Variants in CEP83 observed in about 807,000 individuals in gnomAD.
CEP83 encodes the protein centrosomal protein of 83 kDa.
A neutral mutation model predicts 101.9 loss-of-function variants in CEP83; 70 were observed. The ratio of observed to expected loss-of-function variants is 0.69; its 90% CI spans 0.57 to 0.84. CEP83 has a LOEUF of 0.84. Ranked by LOEUF, CEP83 falls within the 40% of genes least tolerant of loss-of-function variation. CEP83 has a pLI of 0.00. For missense variants in CEP83, 715 were observed against 787.2 expected (o/e 0.91, Z 1.10); for synonymous variants, 264 against 267.9 (o/e 0.99, Z 0.14).
chr12:94,460,035 C>G (rs2068037556), upstream of CEP83: 1 of 152,596 alleles, frequency 6.6e-6, no homozygotes, highest in Non-Finnish European at 1.5e-5. Context: ...GCTGCCGGAG[C>G]CGTTAGAGGG....
At chr12:94,320,372 T>C (rs969849361) in intron 14 of CEP83, among the ~76,000 whole-genome samples, 1 of 152,202 alleles carries the variant, frequency 6.6e-6, no homozygotes, top group Non-Finnish European at 1.5e-5. Flanking sequence ...TGTGTGGATT[T>C]GATCCTGTCA....
chr12:94,408,830 T>C (rs1045567898), intron 4 of CEP83, among the ~76,000 whole-genome samples: 4 of 152,056 alleles, frequency 2.6e-5, no homozygotes, highest in African/African-American at 9.7e-5. Flanking sequence ...CAAGTGATCC[T>C]CCTGCCTCCT....
chr12:94,274,990 G>A, the CEP83 span, among the ~76,000 whole-genome samples: 9,389 of 152,244 alleles, frequency 0.062, 333 homozygotes, highest in Admixed American at 0.07. Context: ...TAGTGATCCT[G>A]TCACTCCTTT....
In CEP83 at chr12:94,308,542, CTT is replaced by C; in HGVS notation, c.*269_*270del. On this transcript the variant is annotated 3_prime_UTR_variant, in exon 17 of 17. Coordinates refer to ENST00000397809, the MANE Select transcript of CEP83 (RefSeq NM_016122.3). ...ATTCAACAAAGTAAAAATTTTAAAA[CTT>C]GACTCTAACTAGTTCCTTTTTGTTT... 4.4e-6 allele frequency: 1 copy of C among 225,726 alleles called. No homozygotes were observed. Among genetic ancestry groups the C allele is most frequent in the African/African-American group, 2.3e-5 (1 of 43,650 alleles). 14.0% of individuals were successfully genotyped at this position (225,726 alleles called of 1,614,324 possible). A position where few individuals can be genotyped will look rare whatever the true frequency, so the allele number is the denominator to read the frequency against.
the CEP83 span, among the ~76,000 whole-genome samples, chr12:94,299,486 T>A: frequency 1.3e-5 from 2 of 152,280 alleles, no homozygotes; most frequent in African/African-American, 4.8e-5. Context: ...GAAGTTCCTC[T>A]AGGTCTAATC....
At chr12:94,316,154 A>AT (rs1412438018) in intron 14 of CEP83, among the ~76,000 whole-genome samples, 1 of 152,030 alleles carries the variant, frequency 6.6e-6, no homozygotes, top group Non-Finnish European at 1.5e-5. Context: ...CCCTTTAGGC[A>AT]TTTTTCCATT....
intron 6 of CEP83, among the ~76,000 whole-genome samples, chr12:94,381,204 G>T (rs775676184): frequency 2.0e-5 from 3 of 152,072 alleles, no homozygotes; most frequent in Non-Finnish European, 2.9e-5. Context: ...ACAGATCTTG[G>T]ATACAGCCTC....
chr12:94,301,551 A>G (rs539871396), downstream of CEP83, among the ~76,000 whole-genome samples: 107 of 152,352 alleles, frequency 7.0e-4, no homozygotes, highest in African/African-American at 2.6e-3. Flanking sequence ...GCTGATCAAT[A>G]GTCCCAAGAA....
chr12:94,440,112 C>A (rs376372861), intron 1 of CEP83, among the ~76,000 whole-genome samples: 1 of 152,056 alleles, frequency 6.6e-6, no homozygotes, highest in Admixed American at 6.6e-5. Context: ...AGCATTCCCC[C>A]TGAGAACTAG....
At chr12:94,314,777 A>C (rs768892524) in intron 14 of CEP83, among the ~76,000 whole-genome samples, 2 of 152,194 alleles carry the variant, frequency 1.3e-5, no homozygotes, top group Non-Finnish European at 2.9e-5. Context: ...TTTTATCACC[A>C]TAAGTATTTA....
At chr12:94,394,203 C>T (rs1173202577) in intron 6 of CEP83, among the ~76,000 whole-genome samples, 1 of 152,148 alleles carries the variant, frequency 6.6e-6, no homozygotes, top group Non-Finnish European at 1.5e-5. Context: ...GGAGGCATCA[C>T]GCTACCTGAC....
chr12:94,432,674 CGCAGA>C (rs1566190970), intron 2 of CEP83, among the ~76,000 whole-genome samples: 1 of 152,044 alleles, frequency 6.6e-6, no homozygotes, highest in African/African-American at 2.4e-5. Flanking sequence ...GTTCTAATGT[CGCAGA>C]GCAGAGTACA....
chr12:94,329,517 T>C (rs1046371587), intron 14 of CEP83, among the ~76,000 whole-genome samples: 4 of 152,248 alleles, frequency 2.6e-5, no homozygotes, highest in Non-Finnish European at 4.4e-5. Context: ...GGTATACTTA[T>C]GATTAGCTGA....
At position 94,335,664 on chromosome 12, in the gene CEP83, C is replaced by T; in HGVS notation, c.1344G>A (p.Arg448=). The change falls in exon 12 of 17, where the codon AGG becomes AGA. Residue 448 remains arginine, a splice_region_variant and synonymous_variant. Transcript: ENST00000397809. ...EITRKELQSV[R]LKLQQQIVTI... is the part of the protein sequence containing the mutation. ...TCACAATTTGTTGCTGAAGTTTTAA[C>T]CTAAAAATCACAACCCAACAAAAGG... 2 of 1,570,826 alleles carry T rather than the reference C, an allele frequency of 1.3e-6. No individual in the cohort carries two copies. The highest frequency in any genetic ancestry group is 1.7e-6 in the Non-Finnish European group (2 of 1,155,900).
chr12:94,378,297 T>C (rs1056681834), intron 7 of CEP83, among the ~76,000 whole-genome samples: 1 of 152,050 alleles, frequency 6.6e-6, no homozygotes, highest in Non-Finnish European at 1.5e-5. Flanking sequence ...CCCAGGGAAA[T>C]AATTCTGTAA....
chr12:94,355,869 T>C (rs554935695), intron 11 of CEP83, among the ~76,000 whole-genome samples: 2 of 152,258 alleles, frequency 1.3e-5, no homozygotes, highest in Non-Finnish European at 2.9e-5. Context: ...GGGGTACTTT[T>C]AGTTAATTTA....
chr12:94,273,690 G>A, the CEP83 span, among the ~76,000 whole-genome samples: 13 of 152,166 alleles, frequency 8.5e-5, no homozygotes, highest in Non-Finnish European at 1.8e-4. Flanking sequence ...GATGAGTACA[G>A]GTTCTGATTT....
intron 2 of CEP83, among the ~76,000 whole-genome samples, chr12:94,415,646 G>T (rs2064208218): frequency 1.3e-5 from 2 of 151,820 alleles, no homozygotes; most frequent in African/African-American, 4.8e-5. Flanking sequence ...ACACCAGAAA[G>T]ATGTGACAAT....
At chr12:94,397,890 C>T (rs1230021492) in intron 6 of CEP83, among the ~76,000 whole-genome samples, 1 of 152,162 alleles carries the variant, frequency 6.6e-6, no homozygotes, top group Non-Finnish European at 1.5e-5. Flanking sequence ...GTATATATTA[C>T]CAGCTATTTA....
Sources: allele counts gnomAD v4.1 joint callset (sites outside exome capture counted in the v4.1 genomes callset), GRCh38; gene constraint gnomAD v4.1.1; transcripts MANE v1.5; gene names NCBI Gene and HGNC (gene_info 2026-07-23, HGNC 2026-07-21).